COP1: variants seen among roughly 807,000 people sequenced by gnomAD.
COP1 encodes the protein COP1 E3 ubiquitin ligase.
A neutral mutation model predicts 101.3 loss-of-function variants in COP1; 24 were observed. The ratio of observed to expected loss-of-function variants is 0.24; its 90% CI spans 0.17 to 0.33. The LOEUF (loss-of-function observed/expected upper bound fraction) is 0.33, where lower values mean the gene tolerates loss of function less well. COP1 is among the 10% of genes least tolerant of loss of function. The pLI, the probability that COP1 is intolerant of heterozygous loss-of-function variation, is 1.00. For synonymous variants in COP1, 347 were observed against 341.9 expected (o/e 1.01, Z -0.17); for missense variants, 663 against 906.2 (o/e 0.73, Z 3.45).
At chr1:175,992,565 G>A (rs1305179814) in intron 15 of COP1, among the ~76,000 whole-genome samples, 3 of 152,210 alleles carry the variant, frequency 2.0e-5, no homozygotes, top group Non-Finnish European at 2.9e-5. Context: ...TTACCGACAG[G>A]CTTAAAAAAT....
intron 18 of COP1, among the ~76,000 whole-genome samples, chr1:175,980,839 CA>C (rs1294690117): frequency 1.3e-5 from 2 of 152,028 alleles, no homozygotes; most frequent in African/African-American, 2.4e-5. Context: ...TCAGAGCTGA[CA>C]AAACAATAAT....
chr1:176,035,768 C>T (rs1211620903), intron 14 of COP1, among the ~76,000 whole-genome samples: 1 of 118,492 alleles, frequency 8.4e-6, no homozygotes, highest in Non-Finnish European at 1.7e-5. Context: ...ACAGTAGCAA[C>T]AACTTTGATC....
rs778396388 is a variant in COP1, at chr1:175,947,188, A to T, written c.2178+7T>A. 1.9e-6 allele frequency: 3 copies of T among 1,593,332 alleles called. No homozygotes were observed. In the South Asian group the frequency reaches 3.3e-5, roughly 18 times the overall value. On this transcript the variant is annotated splice_region_variant and intron_variant, in intron 19 of 19. Coordinates refer to ENST00000367669, the MANE Select transcript of COP1 (RefSeq NM_022457.7). ...AGTTTAAAATGGAGATATAGTAAAT[A>T]GCTTACCTTAATTGTACCCTGACTG...
intron 15 of COP1, among the ~76,000 whole-genome samples, chr1:176,000,336 T>G (rs924614707): frequency 6.6e-6 from 1 of 151,200 alleles, no homozygotes; most frequent in African/African-American, 2.4e-5. Context: ...GTTTTCCCAC[T>G]GGCATTTATT....
At chr1:176,007,909 A>C (rs992793175) in intron 15 of COP1, among the ~76,000 whole-genome samples, 1 of 152,226 alleles carries the variant, frequency 6.6e-6, no homozygotes, top group Non-Finnish European at 1.5e-5. Flanking sequence ...TTACCTAAGC[A>C]AGCCTGGGTA....
intron 15 of COP1, among the ~76,000 whole-genome samples, chr1:175,995,405 C>T (rs1467562792): frequency 1.3e-5 from 2 of 152,028 alleles, no homozygotes; most frequent in East Asian, 1.9e-4. Flanking sequence ...CAGAGCAGAA[C>T]TGAAGGAAAT....
At chr1:176,081,074 A>G (rs1411210466) in intron 11 of COP1, 78 bp downstream of exon 11, 11 of 1,241,434 alleles carry the variant, frequency 8.9e-6, no homozygotes, top group Non-Finnish European at 1.2e-5. Flanking sequence ...TTTAATAATA[A>G]TGGTATAAGT....
intron 6 of COP1, among the ~76,000 whole-genome samples, 173 bp downstream of exon 6, chr1:176,148,833 T>G (rs543498906): frequency 6.6e-6 from 1 of 152,210 alleles, no homozygotes; most frequent in Non-Finnish European, 1.5e-5. Flanking sequence ...TTTTTAAGTG[T>G]CAAGTTGTAA....
At chr1:175,991,401 C>A (rs1658405120) in intron 15 of COP1, among the ~76,000 whole-genome samples, 1 of 152,074 alleles carries the variant, frequency 6.6e-6, no homozygotes, top group African/African-American at 2.4e-5. Context: ...ATGGTACACA[C>A]CCATACAGGG....
intron 18 of COP1, among the ~76,000 whole-genome samples, chr1:175,954,480 T>C (rs981332771): frequency 7.2e-5 from 11 of 152,034 alleles, no homozygotes; most frequent in African/African-American, 2.4e-4. Flanking sequence ...AGTTAATTCA[T>C]TGAAAAAAAT....
intron 11 of COP1, among the ~76,000 whole-genome samples, chr1:176,062,084 C>T (rs1032471192): frequency 6.6e-6 from 1 of 152,172 alleles, no homozygotes; most frequent in South Asian, 2.1e-4. Context: ...ACTGCAATCT[C>T]TGCCTTTCCA....
chr1:176,164,133 CA>C (rs1694746320), intron 3 of COP1, among the ~76,000 whole-genome samples: 2 of 152,166 alleles, frequency 1.3e-5, no homozygotes, highest in Non-Finnish European at 2.9e-5. Flanking sequence ...TTTTCCCTTA[CA>C]TGTTTCTCAA....
intron 9 of COP1, among the ~76,000 whole-genome samples, chr1:176,115,428 C>G (rs1441989193): frequency 1.4e-5 from 2 of 147,658 alleles, no homozygotes; most frequent in African/African-American, 2.5e-5. Context: ...CCAGCCTGGG[C>G]AGGAGCGGGA....
At chr1:176,093,849 C>A (rs1450747620) in intron 9 of COP1, among the ~76,000 whole-genome samples, 1 of 150,864 alleles carries the variant, frequency 6.6e-6, no homozygotes, top group Non-Finnish European at 1.5e-5. Context: ...CAAAACAAAA[C>A]AAAACAAAAC....
chr1:176,149,033 G>A lies in COP1; in HGVS notation c.804C>T (p.Leu268=). ...AAQLQILMEF[L]KVARRNKREQ... is the part of the protein sequence containing the mutation. ...CTCTCTTATTTCTTCTTGCAACCTT[G>A]AGGAATTCCATAAGAATCTGTAGTT... The change falls in exon 6 of 20, where the codon CTC becomes CTT. Residue 268 remains leucine (L), a synonymous_variant. Coordinates refer to ENST00000367669, the MANE Select transcript of COP1 (RefSeq NM_022457.7). The A allele has an allele frequency of 1.3e-6, 2 of 1,586,378 alleles. No individual in the cohort carries two copies. Among genetic ancestry groups the A allele is most frequent in the Non-Finnish European group, 1.7e-6 (2 of 1,161,362 alleles).
intron 9 of COP1, among the ~76,000 whole-genome samples, chr1:176,093,931 G>A (rs751895670): frequency 6.6e-6 from 1 of 151,958 alleles, no homozygotes; most frequent in East Asian, 1.9e-4. Context: ...GCTCAGGCAG[G>A]AGAACCACTT....
At chr1:176,187,284 T>C (rs766411957) in intron 1 of COP1, among the ~76,000 whole-genome samples, 28 of 152,034 alleles carry the variant, frequency 1.8e-4, no homozygotes, top group Admixed American at 4.6e-4. Context: ...TATCACCACA[T>C]GTAGCTCATA....
chr1:176,029,152 T>C (rs1174215232), intron 14 of COP1, among the ~76,000 whole-genome samples: 1 of 152,156 alleles, frequency 6.6e-6, no homozygotes, highest in Non-Finnish European at 1.5e-5. Context: ...GAAACTGTTC[T>C]TATTTTATCT....
At chr1:176,176,234 G>C (rs577160045) in intron 2 of COP1, among the ~76,000 whole-genome samples, 1 of 152,190 alleles carries the variant, frequency 6.6e-6, no homozygotes, top group East Asian at 1.9e-4. Context: ...CAAGGACACT[G>C]TATACAAATT....
Sources: allele counts gnomAD v4.1 joint callset (sites outside exome capture counted in the v4.1 genomes callset), GRCh38; gene constraint gnomAD v4.1.1; transcripts MANE v1.5; gene names NCBI Gene and HGNC (gene_info 2026-07-23, HGNC 2026-07-21).